GALNT17: variants seen among roughly 807,000 people sequenced by gnomAD.
The protein encoded by GALNT17 is UDP-GalNAc:polypeptide N-acetylgalactosaminyltransferase-like 3.
Under a neutral mutation model 63.7 loss-of-function variants are expected in GALNT17, and 29 were observed. The ratio of observed to expected loss-of-function variants is 0.46; its 90% CI spans 0.34 to 0.62. The LOEUF (loss-of-function observed/expected upper bound fraction) is 0.62. Among genes scored for constraint, GALNT17 ranks in the 20% least tolerant of loss-of-function variants. The pLI is 0.01. For missense variants in GALNT17, 603 were observed against 799.6 expected, an observed-to-expected ratio of 0.75 and a Z score of 2.97; for synonymous variants, 305 against 318.3, an observed-to-expected ratio of 0.96 and a Z score of 0.45.
At chr7:71,342,288 AAG>A (rs1049425959) in intron 2 of GALNT17, among the ~76,000 whole-genome samples, 1 of 152,102 alleles carries the variant, frequency 6.6e-6, no homozygotes, top group Admixed American at 6.5e-5. Context: ...GTGGGAGCAA[AAG>A]AGAGAGAGAG....
At chr7:71,533,119 C>T (rs541646510) in intron 5 of GALNT17, among the ~76,000 whole-genome samples, 1 of 152,268 alleles carries the variant, frequency 6.6e-6, no homozygotes, top group East Asian at 1.9e-4. Flanking sequence ...TAAAAGTCCT[C>T]CTATGGAGGA....
intron 2 of GALNT17, among the ~76,000 whole-genome samples, chr7:71,339,783 T>G (rs1791976402): frequency 6.6e-6 from 1 of 152,006 alleles, no homozygotes; most frequent in Admixed American, 6.6e-5. Flanking sequence ...GGGTATGACG[T>G]GGCATACTCA....
At chr7:71,205,242 C>T (rs867685400) in intron 1 of GALNT17, among the ~76,000 whole-genome samples, 1 of 150,882 alleles carries the variant, frequency 6.6e-6, no homozygotes, top group South Asian at 2.1e-4. Flanking sequence ...CAACCCCCAC[C>T]TCCCAGGTTC....
intron 1 of GALNT17, among the ~76,000 whole-genome samples, chr7:71,322,297 A>G (rs1307529360): frequency 6.6e-6 from 1 of 152,032 alleles, no homozygotes; most frequent in Non-Finnish European, 1.5e-5. Flanking sequence ...TATTCGGAGG[A>G]TCAAATTAAA....
intron 2 of GALNT17, among the ~76,000 whole-genome samples, chr7:71,377,641 C>T (rs1239142552): frequency 6.6e-6 from 1 of 152,176 alleles, no homozygotes; most frequent in Non-Finnish European, 1.5e-5. Flanking sequence ...TATGGTTTGG[C>T]TCTGTGTTCC....
chr7:71,298,645 G>A lies in GALNT17; in HGVS notation c.239-36905G>A, dbSNP rs550090353. Among the ~76,000 whole-genome samples, 14 of 152,130 alleles carry A rather than the reference G, an allele frequency of 9.2e-5. No homozygotes were observed. In the South Asian group the frequency reaches 2.9e-3, roughly 32 times the overall value. On this transcript the variant is annotated intron_variant, in intron 1 of 10. Coordinates refer to ENST00000333538, the MANE Select transcript of GALNT17 (RefSeq NM_022479.3). The stretch of plus-strand genomic sequence containing the variant: ...CTTTTCTATTTCTAAGGGTAAAGGT[G>A]TGTTCAGGTCACTGTAATTTTTCAT...
At chr7:71,329,479 TCTC>T (rs1331396830) in intron 1 of GALNT17, among the ~76,000 whole-genome samples, 1 of 152,060 alleles carries the variant, frequency 6.6e-6, no homozygotes, top group East Asian at 1.9e-4. Flanking sequence ...ATTAGTCCGT[TCTC>T]CTACTGCTAT....
chr7:71,584,568 C>T (rs977163194), intron 6 of GALNT17, among the ~76,000 whole-genome samples: 2 of 152,122 alleles, frequency 1.3e-5, no homozygotes, highest in African/African-American at 4.8e-5. Context: ...CATAAAATTA[C>T]ACTTAGGAAA....
intron 2 of GALNT17, among the ~76,000 whole-genome samples, chr7:71,372,268 G>A (rs931532280): frequency 1.3e-5 from 2 of 152,208 alleles, no homozygotes; most frequent in Admixed American, 6.5e-5. Context: ...GGCCTCAAGC[G>A]ATTCTCCTGC....
chr7:71,383,143 A>G (rs1196307157), intron 2 of GALNT17, among the ~76,000 whole-genome samples: 1 of 152,168 alleles, frequency 6.6e-6, no homozygotes, highest in African/African-American at 2.4e-5. Context: ...GTAATCCTCA[A>G]AGTTCATCCA....
At chr7:71,610,935 G>A (rs982686669) in intron 6 of GALNT17, among the ~76,000 whole-genome samples, 13 of 146,096 alleles carry the variant, frequency 8.9e-5, no homozygotes, top group Admixed American at 2.1e-4. Flanking sequence ...GCAGTGAGCC[G>A]AGATCACGCC....
intron 9 of GALNT17, among the ~76,000 whole-genome samples, chr7:71,701,983 T>G (rs1202575568): frequency 6.7e-6 from 1 of 149,994 alleles, no homozygotes; most frequent in African/African-American, 2.5e-5. Flanking sequence ...ATCATATCCT[T>G]TGCAGCAACA....
chr7:71,267,357 G>A (rs948122980), intron 1 of GALNT17, among the ~76,000 whole-genome samples: 3 of 137,804 alleles, frequency 2.2e-5, no homozygotes, highest in African/African-American at 8.1e-5. Flanking sequence ...TCCTGTTAAG[G>A]GATTTTCTAG....
chr7:71,174,455 C>T (rs10244629), intron 1 of GALNT17, among the ~76,000 whole-genome samples: 32,790 of 152,054 alleles, frequency 0.22, 5,167 homozygotes, highest in African/African-American at 0.44. Context: ...GTGTGTCTCA[C>T]GTGTCCGTGT....
intron 9 of GALNT17, among the ~76,000 whole-genome samples, chr7:71,693,745 T>G (rs1472687347): frequency 6.6e-6 from 1 of 150,652 alleles, no homozygotes; most frequent in Admixed American, 6.7e-5. Flanking sequence ...AAATAAGCTG[T>G]ACAACAAACC....
intron 5 of GALNT17, among the ~76,000 whole-genome samples, chr7:71,562,745 A>G (rs1584052204): frequency 6.6e-6 from 1 of 152,182 alleles, no homozygotes; most frequent in Admixed American, 6.5e-5. Flanking sequence ...CAGGCCATCA[A>G]CTGGTGCTGG....
At chr7:71,348,340 GC>G (rs1204948174) in intron 2 of GALNT17, among the ~76,000 whole-genome samples, 1 of 152,138 alleles carries the variant, frequency 6.6e-6, no homozygotes, top group African/African-American at 2.4e-5. Flanking sequence ...GGCACTGCCA[GC>G]CCCAAAGGTT....
intron 1 of GALNT17, among the ~76,000 whole-genome samples, chr7:71,232,718 C>T (rs1006720013): frequency 2.0e-5 from 3 of 152,048 alleles, no homozygotes; most frequent in Admixed American, 1.3e-4. Context: ...GCTCAGGGTC[C>T]GTGCTGCAGT....
At chr7:71,670,405 G>T (rs900594281) in intron 8 of GALNT17, among the ~76,000 whole-genome samples, 4 of 152,168 alleles carry the variant, frequency 2.6e-5, no homozygotes, top group Non-Finnish European at 5.9e-5. Flanking sequence ...ACCTGTAAAT[G>T]GAGATATTGA....
Sources: gnomAD v4.1 joint callset for allele counts (sites outside exome capture counted in the v4.1 genomes callset) on GRCh38, gnomAD v4.1.1 for gene constraint, MANE v1.5 for transcripts, NCBI Gene and HGNC (gene_info 2026-07-23, HGNC 2026-07-21) for gene names.